LINGO2: variants seen among roughly 807,000 people sequenced by gnomAD.
LINGO2 encodes the protein leucine-rich repeat and immunoglobulin-like domain-containing nogo receptor-interacting protein 2.
In LINGO2, 14 loss-of-function variants were observed where a neutral mutation model predicts 30.6. That is an observed-to-expected ratio of 0.46 (90% CI 0.30 to 0.72). The LOEUF (loss-of-function observed/expected upper bound fraction) is 0.72, where lower values mean the gene tolerates loss of function less well. Among genes scored for constraint, LINGO2 ranks in the 30% least tolerant of loss-of-function variants. The probability of loss-of-function intolerance (pLI) is 0.07; values close to 1 mark genes in which losing one functional copy is unlikely to be tolerated. For missense variants in LINGO2, 729 were observed against 751.7 expected (o/e 0.97, Z 0.35); for synonymous variants, 317 against 288.5 (o/e 1.10, Z -1.00).
chr9:28,837,603 C>T, the LINGO2 span, among the ~76,000 whole-genome samples: 6 of 143,312 alleles, frequency 4.2e-5, no homozygotes, highest in East Asian at 2.1e-4. Flanking sequence ...GCCAAGATCG[C>T]GCCATTGCAC....
intron 2 of LINGO2, among the ~76,000 whole-genome samples, chr9:28,468,526 A>G (rs1825399463): frequency 6.6e-6 from 1 of 152,178 alleles, no homozygotes; most frequent in Non-Finnish European, 1.5e-5. Context: ...ACAGTAGAAC[A>G]TCTAAGGCCC....
At chr9:29,132,130 C>G in the LINGO2 span, among the ~76,000 whole-genome samples, 1 of 151,816 alleles carries the variant, frequency 6.6e-6, no homozygotes, top group East Asian at 1.9e-4. Flanking sequence ...GAGTGTGCCA[C>G]AAGTCAGCAT....
At chr9:28,994,730 C>T in the LINGO2 span, among the ~76,000 whole-genome samples, 1 of 152,140 alleles carries the variant, frequency 6.6e-6, no homozygotes, top group Non-Finnish European at 1.5e-5. Flanking sequence ...CTGCAACTAT[C>T]TGATCTTTGA....
intron 1 of LINGO2, among the ~76,000 whole-genome samples, chr9:28,555,288 G>C (rs1454867031): frequency 1.4e-5 from 2 of 144,074 alleles, no homozygotes; most frequent in Admixed American, 6.9e-5. Context: ...GAATCAAATA[G>C]ACACAATAAA....
intron 1 of LINGO2, among the ~76,000 whole-genome samples, chr9:28,559,603 TA>T (rs1334940594): frequency 6.6e-6 from 1 of 152,148 alleles, no homozygotes; most frequent in Non-Finnish European, 1.5e-5. Context: ...AAACACTGTG[TA>T]ATAGCTTTTA....
At chr9:28,045,803 G>A (rs529880049) in intron 4 of LINGO2, among the ~76,000 whole-genome samples, 1 of 152,192 alleles carries the variant, frequency 6.6e-6, no homozygotes, top group Non-Finnish European at 1.5e-5. Flanking sequence ...AGCGTGGAGA[G>A]ACATATGGGT....
intron 4 of LINGO2, among the ~76,000 whole-genome samples, chr9:28,088,158 T>C (rs780668385): frequency 1.3e-5 from 2 of 151,438 alleles, no homozygotes; most frequent in Admixed American, 1.3e-4. Context: ...ACCTCCTGCA[T>C]AGGGTTTGAG....
intron 4 of LINGO2, among the ~76,000 whole-genome samples, chr9:28,119,495 A>G (rs2133390264): frequency 6.6e-6 from 1 of 152,372 alleles, no homozygotes; most frequent in South Asian, 2.1e-4. Flanking sequence ...TGGGCACAAT[A>G]ATAATAATAC....
chr9:28,483,153 C>A (rs1054503056), intron 1 of LINGO2, among the ~76,000 whole-genome samples: 1 of 152,062 alleles, frequency 6.6e-6, no homozygotes, highest in Non-Finnish European at 1.5e-5. Context: ...TAATATAAAA[C>A]AACTTTTGTT....
intron 4 of LINGO2, among the ~76,000 whole-genome samples, chr9:28,218,661 C>T (rs886201970): frequency 9.2e-5 from 14 of 152,020 alleles, no homozygotes; most frequent in Non-Finnish European, 1.3e-4. Flanking sequence ...ACTATATTCT[C>T]CACCATGAAG....
chr9:28,197,608 A>T (rs80003558), intron 4 of LINGO2, among the ~76,000 whole-genome samples: 4,834 of 152,082 alleles, frequency 0.032, 240 homozygotes, highest in African/African-American at 0.11. Flanking sequence ...AGCAGTAAAA[A>T]GTGGAAGAAA....
the LINGO2 span, among the ~76,000 whole-genome samples, chr9:29,106,566 C>T: frequency 6.6e-6 from 1 of 152,074 alleles, no homozygotes; most frequent in African/African-American, 2.4e-5. Context: ...CCTGCAGAGA[C>T]ACTGTCAAGC....
chr9:28,318,985 G>A (rs13291389), intron 3 of LINGO2, among the ~76,000 whole-genome samples: 22,728 of 152,062 alleles, frequency 0.15, 2,311 homozygotes, highest in Non-Finnish European at 0.22. Context: ...GTGGCAGAAG[G>A]AGCCTTAGAA....
chr9:28,420,547 T>C (rs1823153750), intron 2 of LINGO2, among the ~76,000 whole-genome samples: 1 of 152,076 alleles, frequency 6.6e-6, no homozygotes. Flanking sequence ...CATACCATTG[T>C]TTGTAAGAAA....
chr9:28,684,497 T>G, the LINGO2 span, among the ~76,000 whole-genome samples: 1 of 147,758 alleles, frequency 6.8e-6, no homozygotes, highest in Non-Finnish European at 1.5e-5. Context: ...CCTTTTTTTT[T>G]TTTTTCTTTT....
intron 5 of LINGO2, among the ~76,000 whole-genome samples, chr9:27,963,115 G>A (rs1161193052): frequency 2.6e-5 from 4 of 152,044 alleles, no homozygotes; most frequent in Non-Finnish European, 5.9e-5. Context: ...TGTTAGCTGT[G>A]GGACTTTTTC....
chr9:28,368,568 CTTCT>C (rs1422442527), intron 3 of LINGO2, among the ~76,000 whole-genome samples: 1 of 147,184 alleles, frequency 6.8e-6, no homozygotes, highest in East Asian at 2.0e-4. Flanking sequence ...ATTAGAGTGC[CTTCT>C]TTCTTTCTCT....
At chr9:27,949,786 G>T (rs942199142) in exon 6 of LINGO2, 2 of 1,614,026 alleles carry the variant, frequency 1.2e-6, no homozygotes, top group Non-Finnish European at 1.7e-6. Context: ...AGGCGGATCA[G>T]GTCAGAGAAC....
At chr9:29,164,097 C>A in the LINGO2 span, among the ~76,000 whole-genome samples, 1 of 145,816 alleles carries the variant, frequency 6.9e-6, no homozygotes, top group Non-Finnish European at 1.5e-5. Flanking sequence ...ATGAAGGGGC[C>A]TACATGGAGG....
Sources: gnomAD v4.1 joint callset for allele counts (sites outside exome capture counted in the v4.1 genomes callset) on GRCh38, gnomAD v4.1.1 for gene constraint, MANE v1.5 for transcripts, NCBI Gene and HGNC (gene_info 2026-07-23, HGNC 2026-07-21) for gene names.